EYS: variants seen among roughly 807,000 people sequenced by gnomAD.
EYS encodes the protein EGF-like photoreceptor maintenance factor.
EYS carries 250 observed loss-of-function variants against 282.1 expected under a neutral mutation model. That is an observed-to-expected ratio of 0.89 (90% confidence interval 0.80 to 0.98). The LOEUF (loss-of-function observed/expected upper bound fraction) is 0.98. Among genes scored for constraint, EYS ranks in the 50% least tolerant of loss-of-function variants. The pLI, the probability that EYS is intolerant of heterozygous loss-of-function variation, is 0.00. For synonymous variants in EYS, 1,355 were observed against 1,282.9 expected, an observed-to-expected ratio of 1.06 and a Z score of -1.20; for missense variants, 4,016 against 3,709.0, an observed-to-expected ratio of 1.08 and a Z score of -2.15.
At chr6:65,473,240 T>A (rs1374459090) in intron 5 of EYS, among the ~76,000 whole-genome samples, 1 of 151,966 alleles carries the variant, frequency 6.6e-6, no homozygotes, top group Non-Finnish European at 1.5e-5. Flanking sequence ...ATAAATTTGA[T>A]ATGTCATTTC....
intron 2 of EYS, among the ~76,000 whole-genome samples, chr6:65,577,703 T>C (rs929682948): frequency 8.1e-5 from 12 of 147,806 alleles, no homozygotes; most frequent in Admixed American, 4.8e-4. Context: ...ATCCAAACTA[T>C]ATAAAGAACT....
chr6:64,975,073 T>G (rs1264617774), intron 14 of EYS, among the ~76,000 whole-genome samples: 4 of 151,776 alleles, frequency 2.6e-5, no homozygotes, highest in Non-Finnish European at 5.9e-5. Flanking sequence ...TATACCAAGT[T>G]TCAAAATCTT....
At chr6:64,757,229 A>G (rs9452640) in intron 22 of EYS, among the ~76,000 whole-genome samples, 6,702 of 152,170 alleles carry the variant, frequency 0.044, 480 homozygotes, top group African/African-American at 0.15. Flanking sequence ...ATCTCCCCAT[A>G]GAGGAATCCT....
chr6:64,120,486 C>A (rs1314639693), intron 31 of EYS, among the ~76,000 whole-genome samples: 1 of 151,524 alleles, frequency 6.6e-6, no homozygotes, highest in Non-Finnish European at 1.5e-5. Flanking sequence ...CTAAAATCTT[C>A]CTGTAGTTAA....
chr6:64,091,799 G>A (rs904701840), intron 31 of EYS, among the ~76,000 whole-genome samples: 2 of 151,980 alleles, frequency 1.3e-5, no homozygotes, highest in African/African-American at 2.4e-5. Context: ...TGTGCAAAAC[G>A]TGCAGGTTTG....
intron 15 of EYS, among the ~76,000 whole-genome samples, chr6:64,930,582 T>G (rs1768687019): frequency 6.6e-6 from 1 of 152,042 alleles, no homozygotes; most frequent in Non-Finnish European, 1.5e-5. Context: ...TTATTAAATG[T>G]CAGACTTTTT....
intron 26 of EYS, among the ~76,000 whole-genome samples, chr6:64,481,835 A>C (rs1776446771): frequency 6.6e-6 from 1 of 151,732 alleles, no homozygotes; most frequent in African/African-American, 2.4e-5. Flanking sequence ...TACTTTGTGC[A>C]AATAAAAGTT....
rs574063302 is a variant in EYS, at chr6:63,988,137, T to C, written c.6835-3534A>G. On this transcript the variant is annotated intron_variant, in intron 34 of 42. Coordinates refer to ENST00000503581, the MANE Select transcript of EYS (RefSeq NM_001142800.2). ...CACATAGCATAGGTGTATTTCTGTT[T>C]GTTTTCACATTCTACAAACTATTAG... is the stretch of plus-strand genomic sequence containing the variant. 1.7e-4 allele frequency among the ~76,000 whole-genome samples: 26 copies of C among 151,764 alleles called. 1 individual carries two copies. The highest frequency in any genetic ancestry group is 6.8e-3 in the Middle Eastern group (2 of 294).
chr6:63,767,146 G>A (rs1769809106), intron 40 of EYS, among the ~76,000 whole-genome samples: 1 of 151,950 alleles, frequency 6.6e-6, no homozygotes, highest in South Asian at 2.1e-4. Flanking sequence ...GTGAAAGATC[G>A]AACCATTCCC....
intron 29 of EYS, among the ~76,000 whole-genome samples, chr6:64,345,583 A>G (rs1387908701): frequency 6.6e-6 from 1 of 151,900 alleles, no homozygotes; most frequent in East Asian, 1.9e-4. Context: ...GGTTAGACCT[A>G]AAACCATAAA....
At chr6:65,464,297 G>A (rs1473205361) in intron 5 of EYS, among the ~76,000 whole-genome samples, 5 of 152,050 alleles carry the variant, frequency 3.3e-5, no homozygotes, top group Non-Finnish European at 7.4e-5. Flanking sequence ...CAACTACAGG[G>A]GGTAGATATT....
At chr6:64,779,958 G>T (rs944203141) in intron 22 of EYS, among the ~76,000 whole-genome samples, 2 of 152,128 alleles carry the variant, frequency 1.3e-5, no homozygotes, top group African/African-American at 2.4e-5. Context: ...TATAAATGAT[G>T]CTCTCTAGAT....
At chr6:65,037,919 T>C (rs2150147499) in intron 13 of EYS, among the ~76,000 whole-genome samples, 1 of 151,836 alleles carries the variant, frequency 6.6e-6, no homozygotes, top group South Asian at 2.1e-4. Flanking sequence ...CTCCAATTTA[T>C]AAACAATACC....
At chr6:64,421,832 G>A (rs565784574) in intron 28 of EYS, among the ~76,000 whole-genome samples, 96 of 151,602 alleles carry the variant, frequency 6.3e-4, no homozygotes, top group African/African-American at 2.2e-3. Flanking sequence ...GAGAGCGAGA[G>A]AGAGAGAGCG....
intron 12 of EYS, among the ~76,000 whole-genome samples, chr6:65,136,701 T>C (rs941247676): frequency 1.3e-5 from 2 of 152,112 alleles, no homozygotes; most frequent in Admixed American, 6.6e-5. Context: ...TTCTTCCTTT[T>C]TCGAGACAGG....
chr6:64,716,834 G>A (rs1168467721), intron 22 of EYS, among the ~76,000 whole-genome samples: 3 of 152,168 alleles, frequency 2.0e-5, no homozygotes, highest in Non-Finnish European at 4.4e-5. Context: ...TCCAACTGGG[G>A]AAGCAGTTTT....
intron 12 of EYS, among the ~76,000 whole-genome samples, chr6:65,203,333 T>C (rs1256922490): frequency 1.3e-5 from 2 of 152,122 alleles, no homozygotes; most frequent in Non-Finnish European, 2.9e-5. Context: ...GCTAGGGAAC[T>C]AGATATGCAA....
At chr6:65,293,054 T>TCCC (rs1768570141) in intron 12 of EYS, among the ~76,000 whole-genome samples, 1 of 151,700 alleles carries the variant, frequency 6.6e-6, no homozygotes, top group African/African-American at 2.4e-5. Context: ...CTGGGCTTGA[T>TCCC]ATTGTCTAAG....
chr6:63,742,115 G>A (rs1769091070), intron 41 of EYS: 1 of 605,990 alleles, frequency 1.7e-6, no homozygotes, highest in Non-Finnish European at 3.0e-6. Flanking sequence ...CTGTCCTGCA[G>A]TTCTTGACAA....
Sources: allele counts gnomAD v4.1 joint callset (sites outside exome capture counted in the v4.1 genomes callset), GRCh38; gene constraint gnomAD v4.1.1; transcripts MANE v1.5; gene names NCBI Gene and HGNC (gene_info 2026-07-23, HGNC 2026-07-21).